The following FAM227B variants were observed in gnomAD, a reference collection of about 807,000 sequenced individuals.
FAM227B encodes the protein family with sequence similarity 227 member B, also known as protein FAM227B.
Under a neutral mutation model 73.8 loss-of-function variants are expected in FAM227B, and 88 were observed. The ratio of observed to expected loss-of-function variants is 1.19; its 90% CI spans 1.00 to 1.42. The LOEUF is 1.42. Ranked by LOEUF, FAM227B falls within the 40% of genes most tolerant of loss-of-function variation. FAM227B has a pLI of 0.00. For synonymous variants in FAM227B, 210 were observed against 190.5 expected (o/e 1.10, Z -0.84); for missense variants, 632 against 590.9 (o/e 1.07, Z -0.72).
Position 49,456,315 on chromosome 15 carries a change from C to G in FAM227B, c.1012+51896G>C, listed in dbSNP as rs1021490804. ...TGAAAGAAGTACAAAGTGCAGAGTT[C>G]TATTTAGAAGTTGAAAGAAATAATG... On this transcript the variant is annotated intron_variant, in intron 11 of 15. Coordinates refer to ENST00000299338, the MANE Select transcript of FAM227B (RefSeq NM_152647.3). Among the ~76,000 whole-genome samples the G allele has an allele frequency of 2.0e-5, 3 of 152,078 alleles. 1 individual carries two copies. Among genetic ancestry groups the G allele is most frequent in the Middle Eastern group, 6.8e-3 (2 of 294 alleles).
chr15:49,564,925 T>C (rs2074526173), intron 9 of FAM227B, among the ~76,000 whole-genome samples: 1 of 152,018 alleles, frequency 6.6e-6, no homozygotes, highest in Non-Finnish European at 1.5e-5. Flanking sequence ...TCATACAATA[T>C]ACCCACGTAA....
At chr15:49,615,794 C>A (rs375857333) in intron 1 of FAM227B, among the ~76,000 whole-genome samples, 1 of 152,136 alleles carries the variant, frequency 6.6e-6, no homozygotes, top group South Asian at 2.1e-4. Context: ...GGTTCTACTA[C>A]GTCACATGAC....
intron 4 of FAM227B, 61 bp downstream of exon 4, chr15:49,589,715 C>A (rs1032481904): frequency 9.2e-7 from 1 of 1,087,566 alleles, no homozygotes; most frequent in African/African-American, 1.6e-5. Flanking sequence ...GATTTGGAGA[C>A]CAGCCTGGGA....
chr15:49,556,555 A>G (rs2073708469), intron 9 of FAM227B, among the ~76,000 whole-genome samples: 1 of 152,186 alleles, frequency 6.6e-6, no homozygotes, highest in South Asian at 2.1e-4. Flanking sequence ...ATGGCCAGGC[A>G]CTGTTTGCCA....
chr15:49,355,885 G>T (rs1172222062), intron 13 of FAM227B, among the ~76,000 whole-genome samples: 1 of 152,228 alleles, frequency 6.6e-6, no homozygotes, highest in East Asian at 1.9e-4. Context: ...GACTAACAGT[G>T]GATCTCTCGG....
chr15:49,594,159 T>C (rs2076756006), intron 3 of FAM227B, among the ~76,000 whole-genome samples: 1 of 152,192 alleles, frequency 6.6e-6, no homozygotes, highest in Non-Finnish European at 1.5e-5. Flanking sequence ...TTTTGATTTG[T>C]ATTTCCCTGA....
At chr15:49,450,464 G>C (rs2052621467) in intron 11 of FAM227B, among the ~76,000 whole-genome samples, 1 of 151,956 alleles carries the variant, frequency 6.6e-6, no homozygotes. Flanking sequence ...CTCTTAGCCA[G>C]CTACACCATT....
intron 9 of FAM227B, among the ~76,000 whole-genome samples, chr15:49,559,719 G>A (rs1055580359): frequency 1.3e-5 from 2 of 151,938 alleles, no homozygotes; most frequent in South Asian, 2.1e-4. Flanking sequence ...GGCAGATCAC[G>A]AGGTCAGGAG....
At chr15:49,462,891 C>G (rs1432896788) in intron 11 of FAM227B, among the ~76,000 whole-genome samples, 1 of 152,158 alleles carries the variant, frequency 6.6e-6, no homozygotes, top group Non-Finnish European at 1.5e-5. Context: ...ATTTTATTCT[C>G]TAGGTCCTAA....
intron 9 of FAM227B, among the ~76,000 whole-genome samples, chr15:49,554,828 T>C (rs1005996951): frequency 2.0e-5 from 3 of 152,202 alleles, no homozygotes; most frequent in Non-Finnish European, 4.4e-5. Flanking sequence ...TTGGTGTTCT[T>C]GTGGGGGGAC....
chr15:49,531,883 T>G (rs1459573486), intron 10 of FAM227B, among the ~76,000 whole-genome samples: 1 of 151,878 alleles, frequency 6.6e-6, no homozygotes, highest in Admixed American at 6.6e-5. Context: ...ACATTGTTGT[T>G]GAATACTGCC....
intron 11 of FAM227B, among the ~76,000 whole-genome samples, chr15:49,440,470 T>C (rs957499399): frequency 6.6e-6 from 1 of 151,716 alleles, no homozygotes; most frequent in Non-Finnish European, 1.5e-5. Flanking sequence ...ACCAAATACT[T>C]AATTGAAACT....
At chr15:49,513,225 T>C (rs1298697896) in intron 10 of FAM227B, among the ~76,000 whole-genome samples, 2 of 152,208 alleles carry the variant, frequency 1.3e-5, no homozygotes, top group African/African-American at 4.8e-5. Context: ...CCACCAACAA[T>C]GTAAAAGTGT....
chr15:49,578,448 T>G (rs967494928), intron 5 of FAM227B, among the ~76,000 whole-genome samples: 3 of 146,280 alleles, frequency 2.1e-5, no homozygotes, highest in Non-Finnish European at 4.6e-5. Context: ...ATACATAATA[T>G]GTATACATAC....
chr15:49,379,522 TTGTA>T lies in FAM227B; in HGVS notation c.1013-8127_1013-8124del, dbSNP rs1182057109. 4.6e-5 allele frequency among the ~76,000 whole-genome samples: 7 copies of T among 152,326 alleles called. No homozygotes were observed. The East Asian group carries it at 7.7e-4, about 17-fold the overall frequency. The stretch of plus-strand genomic sequence containing the variant: ...TTATTTATGGTTCAATCTTGGTAGG[TTGTA>T]TGTGTCTAGAAATTTGATTTTCCAA... On this transcript the variant is annotated intron_variant, in intron 11 of 15. Transcript: ENST00000299338.
At chr15:49,515,718 T>G (rs1000529379) in intron 10 of FAM227B, among the ~76,000 whole-genome samples, 1 of 152,178 alleles carries the variant, frequency 6.6e-6, no homozygotes, top group Non-Finnish European at 1.5e-5. Context: ...CAAATTCCTC[T>G]TAGGATGGGA....
chr15:49,359,698 A>G lies in FAM227B; in HGVS notation c.1271+7750T>C, dbSNP rs1317476546. On this transcript the variant is annotated intron_variant, in intron 13 of 15. Coordinates refer to ENST00000299338, the MANE Select transcript of FAM227B (RefSeq NM_152647.3). ...CAGTGTGGCGATTCCTCAGGGATCTAGAACTGGAAGTACCATTTGACCCAG... is the reference window on the plus strand; with the variant it reads ...CAGTGTGGCGATTCCTCAGGGATCTGGAACTGGAAGTACCATTTGACCCAG... Among the ~76,000 whole-genome samples the G allele has an allele frequency of 2.2e-5, 3 of 138,850 alleles. No individual in the cohort carries two copies. The East Asian group carries it at 6.4e-4, about 30-fold the overall frequency. 91.1% of individuals were successfully genotyped at this position (138,850 alleles called of 152,430 possible).
chr15:49,365,947 TAAAC>T lies in FAM227B; in HGVS notation c.1271+1497_1271+1500del, dbSNP rs1198355597. ...TATGCAGAAAATTGCTATCATAACA[TAAAC>T]TAACCATTTGTGGAAGAAATAAAGT... On this transcript the variant is annotated intron_variant, in intron 13 of 15. Coordinates refer to ENST00000299338, the MANE Select transcript of FAM227B (RefSeq NM_152647.3). 6 of 897,330 alleles carry T rather than the reference TAAAC, an allele frequency of 6.7e-6. No individual in the cohort carries two copies. In the East Asian group the frequency reaches 7.2e-5, roughly 11 times the overall value. 55.6% of individuals were successfully genotyped at this position (897,330 alleles called of 1,614,324 possible). A position where few individuals can be genotyped will look rare whatever the true frequency, so the allele number is the denominator to read the frequency against.
At chr15:49,441,608 G>C (rs1445034547) in intron 11 of FAM227B, among the ~76,000 whole-genome samples, 1 of 151,510 alleles carries the variant, frequency 6.6e-6, no homozygotes, top group African/African-American at 2.4e-5. Context: ...TCATGACATG[G>C]TATAATTTTC....
Sources: allele counts gnomAD v4.1 joint callset (sites outside exome capture counted in the v4.1 genomes callset), GRCh38; gene constraint gnomAD v4.1.1; transcripts MANE v1.5; gene names NCBI Gene and HGNC (gene_info 2026-07-23, HGNC 2026-07-21).